EIF3E: variants seen among roughly 807,000 people sequenced by gnomAD.
The protein encoded by EIF3E is eIF-3 p48.
Under a neutral mutation model 59.3 loss-of-function variants are expected in EIF3E, and 25 were observed. The observed-to-expected ratio is 0.42, with a 90% CI of 0.31 to 0.59. EIF3E has a LOEUF of 0.59. Ranked by LOEUF, EIF3E falls within the 20% of genes least tolerant of loss-of-function variation. The pLI is 0.15. For synonymous variants in EIF3E, 176 were observed against 170.2 expected (o/e 1.03, Z -0.26); for missense variants, 317 against 534.3 (o/e 0.59, Z 4.01).
intron 1 of EIF3E, among the ~76,000 whole-genome samples, chr8:108,247,268 T>A (rs1404759677): frequency 1.3e-5 from 2 of 152,126 alleles, no homozygotes; most frequent in African/African-American, 4.8e-5. Context: ...CACAAAAATA[T>A]ATAAAGTTCA....
chr8:108,246,198 G>A (rs555474555), intron 1 of EIF3E, among the ~76,000 whole-genome samples: 5 of 147,472 alleles, frequency 3.4e-5, no homozygotes, highest in Non-Finnish European at 6.0e-5. Flanking sequence ...TAAAACTTAC[G>A]AATTGCTAAT....
chr8:108,227,394 A>T (rs1023368125), intron 7 of EIF3E: 1 of 152,212 alleles, frequency 6.6e-6, no homozygotes, highest in African/African-American at 2.4e-5. Flanking sequence ...CCATGAAGCA[A>T]CTGCTAAAAT....
At position 108,247,911 on chromosome 8, in the gene EIF3E, T is replaced by A. The variant is rs566142135; in HGVS notation, c.90+702A>T. Among the ~76,000 whole-genome samples the A allele has an allele frequency of 5.9e-5, 9 of 152,148 alleles. No homozygotes were observed. The South Asian group carries it at 1.9e-3, about 32-fold the overall frequency. ...TAAAATGAAGTTCCAGAATTACACATTTATTCATGATATCTTGAGTAGATA... is the reference window on the plus strand; with the variant it reads ...TAAAATGAAGTTCCAGAATTACACAATTATTCATGATATCTTGAGTAGATA... On this transcript the variant is annotated intron_variant, in intron 1 of 12. Transcript: ENST00000220849.
At position 108,229,062 on chromosome 8, in the gene EIF3E, G is replaced by A. The variant is rs538155709; in HGVS notation, c.597+8C>T. The A allele has an allele frequency of 7.3e-5, 116 of 1,587,474 alleles. No homozygotes were observed. Among genetic ancestry groups the A allele is most frequent in the East Asian group, 3.6e-4 (16 of 44,118 alleles). ...TTCAGAGAATAACTGTGAAAAAGTC[G>A]AACTCACATTATTATCTATGGTCTC... On this transcript the variant is annotated splice_region_variant and intron_variant, in intron 6 of 12. Coordinates refer to ENST00000220849, the MANE Select transcript of EIF3E (RefSeq NM_001568.3).
At chr8:108,205,864 G>T (rs1815091986) in intron 10 of EIF3E, among the ~76,000 whole-genome samples, 1 of 152,128 alleles carries the variant, frequency 6.6e-6, no homozygotes, top group Non-Finnish European at 1.5e-5. Flanking sequence ...TATTGTTGTT[G>T]TTAATCTTCT....
chr8:108,236,748 G>A (rs1239505471), intron 3 of EIF3E, among the ~76,000 whole-genome samples: 3 of 152,140 alleles, frequency 2.0e-5, no homozygotes, highest in African/African-American at 4.8e-5. Context: ...CTGGCCGGCC[G>A]CAGTGACTGA....
At chr8:108,220,447 T>C (rs1455216756) in intron 7 of EIF3E, among the ~76,000 whole-genome samples, 2 of 152,198 alleles carry the variant, frequency 1.3e-5, no homozygotes, top group African/African-American at 4.8e-5. Flanking sequence ...GCAATGAAGG[T>C]CTCCCTTTGT....
intron 8 of EIF3E, 92 bp from the exon 9 acceptor site, chr8:108,216,605 CT>C: frequency 1.1e-6 from 1 of 874,266 alleles, no homozygotes; most frequent in Non-Finnish European, 1.8e-6. Context: ...TTTTCTCCTT[CT>C]TTACCATTAA....
At chr8:108,215,175 G>C (rs1815278462) in intron 9 of EIF3E, among the ~76,000 whole-genome samples, 2 of 151,272 alleles carry the variant, frequency 1.3e-5, no homozygotes, top group Non-Finnish European at 2.9e-5. Context: ...CAGCAACCAA[G>C]TACCCTCTAG....
At chr8:108,225,174 C>G (rs752527534) in intron 7 of EIF3E, among the ~76,000 whole-genome samples, 1 of 151,562 alleles carries the variant, frequency 6.6e-6, no homozygotes. Context: ...GCTATTCAGA[C>G]ATTCAGACTT....
At chr8:108,212,192 AAGAT>A (rs1389828925) in intron 10 of EIF3E, among the ~76,000 whole-genome samples, 1 of 152,306 alleles carries the variant, frequency 6.6e-6, no homozygotes, top group East Asian at 1.9e-4. Flanking sequence ...ACAGAACTGT[AAGAT>A]AGGCACGGTG....
intron 10 of EIF3E, among the ~76,000 whole-genome samples, chr8:108,206,627 C>T (rs981754557): frequency 2.6e-5 from 3 of 115,266 alleles, no homozygotes; most frequent in East Asian, 2.5e-4. Flanking sequence ...CTGGCATGGT[C>T]GCACAGACAC....
chr8:108,234,599 A>G (rs748485173), intron 5 of EIF3E: 1 of 152,206 alleles, frequency 6.6e-6, no homozygotes, highest in Non-Finnish European at 1.5e-5. Flanking sequence ...AAGTTCAAGG[A>G]GTATATATAT....
chr8:108,232,096 C>T (rs1815635023), intron 5 of EIF3E, among the ~76,000 whole-genome samples: 1 of 152,172 alleles, frequency 6.6e-6, no homozygotes, highest in African/African-American at 2.4e-5. Flanking sequence ...TGACATTTCT[C>T]ATCCCAAATC....
intron 5 of EIF3E, among the ~76,000 whole-genome samples, chr8:108,232,723 TA>T (rs1157950088): frequency 2.6e-5 from 4 of 152,224 alleles, no homozygotes; most frequent in Non-Finnish European, 5.9e-5. Context: ...CTACTCTGGC[TA>T]AACTCCATGT....
At chr8:108,232,395 A>C (rs1002584871) in intron 5 of EIF3E, among the ~76,000 whole-genome samples, 2 of 152,214 alleles carry the variant, frequency 1.3e-5, no homozygotes, top group Non-Finnish European at 2.9e-5. Flanking sequence ...TTTGTATCAC[A>C]GTATTCAATC....
At chr8:108,240,608 G>T (rs765700993) in intron 2 of EIF3E, among the ~76,000 whole-genome samples, 1 of 152,074 alleles carries the variant, frequency 6.6e-6, no homozygotes. Flanking sequence ...AAATTCTATC[G>T]TTCCTTTTAC....
intron 10 of EIF3E, among the ~76,000 whole-genome samples, chr8:108,204,782 CAGAGAGAGAG>C (rs1180539617): frequency 4.4e-5 from 5 of 113,136 alleles, no homozygotes; most frequent in Admixed American, 1.8e-4. Context: ...GAGAGAGAGA[CAGAGAGAGAG>C]AGAGAGAGAG....
At chr8:108,231,337 A>C (rs1333320858) in intron 5 of EIF3E, among the ~76,000 whole-genome samples, 1 of 152,152 alleles carries the variant, frequency 6.6e-6, no homozygotes, top group Non-Finnish European at 1.5e-5. Context: ...AATATGCAAA[A>C]CTATGCTTGA....
Sources: gnomAD v4.1 joint callset for allele counts (sites outside exome capture counted in the v4.1 genomes callset) on GRCh38, gnomAD v4.1.1 for gene constraint, MANE v1.5 for transcripts, NCBI Gene and HGNC (gene_info 2026-07-23, HGNC 2026-07-21) for gene names.